FGF13: variants seen among roughly 807,000 people sequenced by gnomAD.
FGF13 encodes the protein fibroblast growth factor 13, also known as fibroblast growth factor homologous factor 2.
In FGF13, 2 loss-of-function variants were observed where a neutral mutation model predicts 19.5. The ratio of observed to expected loss-of-function variants is 0.10; its 90% CI spans 0.04 to 0.32. The LOEUF (loss-of-function observed/expected upper bound fraction) is 0.32, where lower values mean the gene tolerates loss of function less well. FGF13 is among the 10% of genes least tolerant of loss of function. The pLI is 1.00. For missense variants in FGF13, 113 were observed against 192.7 expected, an observed-to-expected ratio of 0.59 and a Z score of 2.45; for synonymous variants, 72 against 76.9, an observed-to-expected ratio of 0.94 and a Z score of 0.33.
chrX:139,097,526 C>A (rs1012438123), intron 1 of FGF13, among the ~76,000 whole-genome samples: 1 of 107,115 alleles, frequency 9.3e-6, no homozygotes, highest in Non-Finnish European at 1.9e-5. Context: ...TACACATGTA[C>A]TCCCTGAATT....
intron 3 of FGF13, among the ~76,000 whole-genome samples, chrX:138,693,618 T>C (rs935456664): frequency 8.9e-6 from 1 of 112,038 alleles, no homozygotes; most frequent in African/African-American, 3.2e-5. Flanking sequence ...GTTTATCAAA[T>C]GTATACTACA....
intron 1 of FGF13, among the ~76,000 whole-genome samples, chrX:138,984,814 C>CTGTGTGTGTGTGTGTG (rs200719953): frequency 8.9e-4 from 81 of 90,871 alleles, no homozygotes; most frequent in African/African-American, 2.9e-3. Flanking sequence ...TATGTCAGTT[C>CTGTGTGTGTGTGTGTG]TGTGTGTGTG....
intron 1 of FGF13, among the ~76,000 whole-genome samples, chrX:139,028,582 C>CATGTGTGTGT (rs1556339268): frequency 1.6e-5 from 1 of 61,605 alleles, no homozygotes; most frequent in Non-Finnish European, 3.2e-5. Flanking sequence ...GGAGAGAGAG[C>CATGTGTGTGT]GTGTGTGTGT....
At chrX:138,750,520 G>T (rs766117684) in intron 3 of FGF13, among the ~76,000 whole-genome samples, 1 of 111,117 alleles carries the variant, frequency 9.0e-6, no homozygotes, top group East Asian at 2.8e-4. Flanking sequence ...ACCCATCACC[G>T]AAATGGATTT....
At chrX:138,654,313 C>T (rs957620504) in intron 3 of FGF13, among the ~76,000 whole-genome samples, 1 of 112,418 alleles carries the variant, frequency 8.9e-6, no homozygotes, top group Non-Finnish European at 1.9e-5. Flanking sequence ...AAAACAATTA[C>T]TTCGTGCCTG....
chrX:139,022,186 G>A (rs2092180651), intron 1 of FGF13, among the ~76,000 whole-genome samples: 1 of 111,072 alleles, frequency 9.0e-6, no homozygotes. Context: ...AGTCTTTGTA[G>A]GAAAAGAGGG....
chrX:138,857,383 G>T (rs888013559), downstream of FGF13: 1 of 593,318 alleles, frequency 1.7e-6, no homozygotes, highest in East Asian at 3.6e-5. Flanking sequence ...AGCCAGCCAG[G>T]GGGCCTCCTA....
At chrX:139,151,640 A>T (rs1038510853) in intron 1 of FGF13, among the ~76,000 whole-genome samples, 1 of 111,973 alleles carries the variant, frequency 8.9e-6, no homozygotes, top group African/African-American at 3.2e-5. Context: ...ATTTGGATGA[A>T]TTTTTTAAAC....
intron 1 of FGF13, among the ~76,000 whole-genome samples, chrX:139,069,782 A>G (rs1355385893): frequency 9.0e-6 from 1 of 111,605 alleles, no homozygotes; most frequent in Non-Finnish European, 1.9e-5. Context: ...CGAAAACAGA[A>G]ATATAGACCA....
At chrX:138,731,211 A>G (rs1260873562) in intron 1 of FGF13, among the ~76,000 whole-genome samples, 1 of 111,394 alleles carries the variant, frequency 9.0e-6, no homozygotes, top group Non-Finnish European at 1.9e-5. Flanking sequence ...CTGTCAATCA[A>G]TTTGACCTGA....
intron 4 of FGF13, among the ~76,000 whole-genome samples, chrX:138,633,489 T>C (rs993258973): frequency 2.7e-5 from 3 of 112,034 alleles, no homozygotes; most frequent in Middle Eastern, 4.6e-3. Flanking sequence ...TCTTAGAAGT[T>C]TAAATATGAT....
intron 3 of FGF13, among the ~76,000 whole-genome samples, chrX:138,781,801 C>G (rs2090645829): frequency 8.9e-6 from 1 of 111,933 alleles, no homozygotes; most frequent in Non-Finnish European, 1.9e-5. Context: ...CTCCCTAACT[C>G]ATTTTACGAG....
At position 138,620,096 on chromosome X, in the gene FGF13, G is replaced by A. The variant is rs1430181627; in HGVS notation, c.*12754C>T. 8.9e-6 allele frequency: 1 copy of A among 112,156 alleles called. No individual in the cohort carries two copies. Among genetic ancestry groups the A allele is most frequent in the Non-Finnish European group, 1.9e-5 (1 of 53,283 alleles). 9.2% of individuals were successfully genotyped at this position (112,156 alleles called of 1,213,427 possible). On this transcript the variant is annotated 3_prime_UTR_variant, in exon 5 of 5. Transcript: ENST00000315930. ...GCCCATCAATGATACAGTGGATAAA[G>A]AAAATGTGGCACATATACACCATGG...
At chrX:138,682,231 A>T (rs1426268387) in intron 3 of FGF13, among the ~76,000 whole-genome samples, 1 of 112,615 alleles carries the variant, frequency 8.9e-6, no homozygotes, top group Non-Finnish European at 1.9e-5. Flanking sequence ...AAGGAAAACA[A>T]GGCTGTGTGT....
intron 1 of FGF13, chrX:138,990,633 T>C (rs2092011706): frequency 9.1e-6 from 1 of 110,453 alleles, no homozygotes; most frequent in Non-Finnish European, 1.9e-5. Context: ...TTCGAAACCA[T>C]CAGATCTCGT....
intron 1 of FGF13, among the ~76,000 whole-genome samples, chrX:139,128,148 T>G (rs1185100433): frequency 1.8e-5 from 2 of 110,581 alleles, no homozygotes; most frequent in Non-Finnish European, 3.8e-5. Flanking sequence ...GGTGCTGCCC[T>G]GGTCCTGGAC....
chrX:139,070,696 C>A (rs2092373736), intron 1 of FGF13, among the ~76,000 whole-genome samples: 2 of 112,236 alleles, frequency 1.8e-5, no homozygotes, highest in Non-Finnish European at 3.8e-5. Flanking sequence ...TACTGTGGCA[C>A]TGTTCACAAT....
chrX:139,083,371 C>T (rs2083383554), intron 1 of FGF13, among the ~76,000 whole-genome samples: 1 of 111,852 alleles, frequency 8.9e-6, no homozygotes, highest in Admixed American at 9.5e-5. Context: ...TTAGATAGAA[C>T]CTGGTCTTGA....
chrX:139,119,580 C>T (rs2083663017), intron 1 of FGF13, among the ~76,000 whole-genome samples: 2 of 111,649 alleles, frequency 1.8e-5, no homozygotes, highest in East Asian at 2.9e-4. Context: ...TTCCATCATG[C>T]TATGCAAGGT....
Sources: allele counts gnomAD v4.1 joint callset (sites outside exome capture counted in the v4.1 genomes callset), GRCh38; gene constraint gnomAD v4.1.1; transcripts MANE v1.5; gene names NCBI Gene and HGNC (gene_info 2026-07-23, HGNC 2026-07-21).